The following CD86 variants were observed in gnomAD, a reference collection of about 807,000 sequenced individuals.
CD86 encodes the protein T-lymphocyte activation antigen CD86.
CD86 carries 11 observed loss-of-function variants against 32.1 expected under a neutral mutation model. The ratio of observed to expected loss-of-function variants is 0.34; its 90% CI spans 0.22 to 0.57. The LOEUF (loss-of-function observed/expected upper bound fraction) is 0.57, where lower values mean the gene tolerates loss of function less well. Ranked by LOEUF, CD86 falls within the 20% of genes least tolerant of loss-of-function variation. The probability of loss-of-function intolerance (pLI) is 0.86; values close to 1 mark genes in which losing one functional copy is unlikely to be tolerated. For synonymous variants in CD86, 137 were observed against 135.3 expected (o/e 1.01, Z -0.09); for missense variants, 359 against 398.4 (o/e 0.90, Z 0.84).
At chr3:122,056,524 G>C (rs948625946) in intron 1 of CD86, among the ~76,000 whole-genome samples, 1 of 151,948 alleles carries the variant, frequency 6.6e-6, no homozygotes, top group African/African-American at 2.4e-5. Context: ...TGGTAGAGAC[G>C]GGGTCCACCA....
chr3:122,096,535 A>T (rs2072911071), intron 2 of CD86, among the ~76,000 whole-genome samples: 1 of 152,230 alleles, frequency 6.6e-6, no homozygotes, highest in Non-Finnish European at 1.5e-5. Flanking sequence ...AATAAATAAA[A>T]AAACAAAAAC....
At chr3:122,108,579 C>T (rs530988443) in intron 4 of CD86, among the ~76,000 whole-genome samples, 5 of 152,302 alleles carry the variant, frequency 3.3e-5, no homozygotes, top group Non-Finnish European at 7.4e-5. Flanking sequence ...TCTAAGTTTT[C>T]CCCACAAAGC....
At chr3:122,097,447 C>T (rs376114106) in intron 2 of CD86, among the ~76,000 whole-genome samples, 90 of 152,306 alleles carry the variant, frequency 5.9e-4, no homozygotes, top group African/African-American at 1.9e-3. Flanking sequence ...CTTTTAATCT[C>T]TTACTACGAC....
At chr3:122,079,385 T>C (rs1236758753) in intron 1 of CD86, among the ~76,000 whole-genome samples, 3 of 151,980 alleles carry the variant, frequency 2.0e-5, no homozygotes, top group Admixed American at 1.3e-4. Context: ...AGCAGAAAAA[T>C]CAAGGTTGAA....
At chr3:122,111,538 T>TG (rs2073173728) in intron 5 of CD86, among the ~76,000 whole-genome samples, 1 of 152,316 alleles carries the variant, frequency 6.6e-6, no homozygotes, top group Non-Finnish European at 1.5e-5. Context: ...AGAAATGAAC[T>TG]GGAAGAAGGA....
intron 1 of CD86, among the ~76,000 whole-genome samples, chr3:122,064,687 T>C (rs905157890): frequency 6.6e-6 from 1 of 152,206 alleles, no homozygotes; most frequent in Non-Finnish European, 1.5e-5. Context: ...CTAATATTTA[T>C]ATAATAGCTC....
intron 4 of CD86, among the ~76,000 whole-genome samples, chr3:122,106,857 C>CACACACACACACAT (rs2073099960): frequency 2.6e-5 from 4 of 151,802 alleles, no homozygotes; most frequent in Admixed American, 2.6e-4. Context: ...CACACACACA[C>CACACACACACACAT]ACACACACAC....
At chr3:122,066,013 A>G (rs1387855796) in intron 1 of CD86, among the ~76,000 whole-genome samples, 7 of 152,156 alleles carry the variant, frequency 4.6e-5, no homozygotes, top group Non-Finnish European at 1.5e-5. Context: ...TTAAGTGTTC[A>G]TGGTTGCAGG....
chr3:122,105,648 GATGCTC>G (rs979049461), intron 3 of CD86, among the ~76,000 whole-genome samples: 30 of 152,162 alleles, frequency 2.0e-4, no homozygotes, highest in Non-Finnish European at 4.3e-4. Flanking sequence ...AAGACACTTT[GATGCTC>G]ATGCCAAAAA....
At chr3:122,064,019 A>G (rs1368483277) in intron 1 of CD86, among the ~76,000 whole-genome samples, 1 of 152,228 alleles carries the variant, frequency 6.6e-6, no homozygotes, top group Non-Finnish European at 1.5e-5. Flanking sequence ...AACTCCAAAA[A>G]GTCAGCTCAT....
At chr3:122,098,378 G>T (rs2072942319) in intron 2 of CD86, among the ~76,000 whole-genome samples, 3 of 152,178 alleles carry the variant, frequency 2.0e-5, no homozygotes, top group African/African-American at 7.2e-5. Flanking sequence ...AACATGAGAA[G>T]AGGACTTGAG....
At chr3:122,096,921 T>C (rs1455789423) in intron 2 of CD86, among the ~76,000 whole-genome samples, 1 of 152,260 alleles carries the variant, frequency 6.6e-6, no homozygotes, top group Non-Finnish European at 1.5e-5. Flanking sequence ...CCTCTAATTT[T>C]GTGCACATGT....
At chr3:122,118,973 C>T (rs1176734613) in intron 6 of CD86, among the ~76,000 whole-genome samples, 1 of 152,134 alleles carries the variant, frequency 6.6e-6, no homozygotes, top group Non-Finnish European at 1.5e-5. Context: ...ATCAAAGCAA[C>T]CCTCAGTCAC....
intron 1 of CD86, among the ~76,000 whole-genome samples, chr3:122,079,454 G>A (rs546179248): frequency 3.0e-4 from 46 of 152,324 alleles, no homozygotes; most frequent in Non-Finnish European, 6.3e-4. Flanking sequence ...CCCTAGGCCA[G>A]GGGATTGAAG....
At chr3:122,057,615 T>TA (rs1262425068) in intron 1 of CD86, among the ~76,000 whole-genome samples, 1 of 152,100 alleles carries the variant, frequency 6.6e-6, no homozygotes, top group Non-Finnish European at 1.5e-5. Flanking sequence ...ATTTAAGATT[T>TA]AAAAAAAACA....
chr3:122,117,968 CT>C, intron 5 of CD86, 79 bp from the exon 6 acceptor site: 7 of 1,195,766 alleles, frequency 5.9e-6, no homozygotes, highest in Non-Finnish European at 8.6e-6. Context: ...AGTCCCAGAA[CT>C]TTGAAGCCTT....
chr3:122,091,565 C>T, intron 1 of CD86, 36 bp from the exon 2 acceptor site: 7 of 1,488,128 alleles, frequency 4.7e-6, no homozygotes, highest in Non-Finnish European at 6.4e-6. Context: ...GTTTCCTTTT[C>T]TAATCAAGTT....
In CD86 at chr3:122,109,339, G is replaced by A; in HGVS notation, c.778G>A (p.Val260Met). The A allele has an allele frequency of 6.2e-7, 1 of 1,614,076 alleles. No individual in the cohort carries two copies. Among genetic ancestry groups the A allele is most frequent in the Non-Finnish European group, 8.5e-7 (1 of 1,179,980 alleles). The change falls in exon 5 of 7, where the codon GTG becomes ATG. Residue 260 changes from valine to methionine, a missense_variant. Coordinates refer to ENST00000330540, the MANE Select transcript of CD86 (RefSeq NM_175862.5). ...TAVLPTVIICVMVFCLILWKW... is the reference protein window; with the variant it reads ...TAVLPTVIICMMVFCLILWKW... ...TGTACTTCCAACAGTTATTATATGT[G>A]TGATGGTTTTCTGTCTAATTCTATG...
intron 2 of CD86, among the ~76,000 whole-genome samples, chr3:122,097,671 G>A (rs2072929200): frequency 6.6e-6 from 1 of 152,148 alleles, no homozygotes; most frequent in Non-Finnish European, 1.5e-5. Context: ...AGGAAAATGA[G>A]GTGAGAGGGC....
Sources: allele counts gnomAD v4.1 joint callset (sites outside exome capture counted in the v4.1 genomes callset), GRCh38; gene constraint gnomAD v4.1.1; transcripts MANE v1.5; gene names NCBI Gene and HGNC (gene_info 2026-07-23, HGNC 2026-07-21).